NFRKB: variants seen among roughly 807,000 people sequenced by gnomAD.
The protein encoded by NFRKB is nuclear factor related to kappaB binding protein, also known as nuclear factor related to kappa-B-binding protein.
Under a neutral mutation model 135.7 loss-of-function variants are expected in NFRKB, and 62 were observed. That is an observed-to-expected ratio of 0.46 (90% CI 0.37 to 0.56). The LOEUF is 0.56. Ranked by LOEUF, NFRKB falls within the 20% of genes least tolerant of loss-of-function variation. The probability of loss-of-function intolerance (pLI) is 0.00; values close to 1 mark genes in which losing one functional copy is unlikely to be tolerated. For missense variants in NFRKB, 1,545 were observed against 1,662.0 expected (o/e 0.93, Z 1.22); for synonymous variants, 678 against 635.6 (o/e 1.07, Z -1.00).
rs1949051051 is a variant in NFRKB at position 129,882,022 on chromosome 11, G to A, written c.1191+64C>T. ...TCAGAGTTCCACTTCTCAAGCTATA[G>A]ACCATTCAGGATTTGAACACTTTGA... On this transcript the variant is annotated intron_variant, in intron 11 of 26. Transcript: ENST00000682444. The A allele has an allele frequency of 2.0e-6, 3 of 1,479,098 alleles. No homozygotes were observed. The South Asian group carries it at 3.9e-5, about 19-fold the overall frequency. 91.6% of individuals were successfully genotyped at this position (1,479,098 alleles called of 1,614,324 possible). A position where few individuals can be genotyped will look rare whatever the true frequency, so the allele number is the denominator to read the frequency against.
chr11:129,885,693 T>C, intron 5 of NFRKB, 84 bp from the exon 6 acceptor site: 1 of 1,357,198 alleles, frequency 7.4e-7, no homozygotes. Context: ...TACATTTTCT[T>C]CTCTTCAGTG....
intron 23 of NFRKB, among the ~76,000 whole-genome samples, chr11:129,871,758 T>C (rs1948519024): frequency 6.6e-6 from 1 of 152,178 alleles, no homozygotes; most frequent in African/African-American, 2.4e-5. Context: ...TCCGTTCTTG[T>C]CCCCCATTGT....
intron 11 of NFRKB, 59 bp downstream of exon 11, chr11:129,882,027 T>C (rs1274711272): frequency 2.0e-6 from 3 of 1,494,484 alleles, no homozygotes; most frequent in Non-Finnish European, 2.7e-6. Flanking sequence ...CTATAGACCA[T>C]TCAGGATTTG....
intron 3 of NFRKB, among the ~76,000 whole-genome samples, chr11:129,889,768 A>C (rs772265913): frequency 7.3e-5 from 11 of 151,546 alleles, no homozygotes; most frequent in Admixed American, 5.3e-4. Context: ...GTGGGGGAGA[A>C]GGTTAGAAAT....
At chr11:129,872,455 G>A (rs1055183564) in intron 23 of NFRKB, 1 of 155,626 alleles carries the variant, frequency 6.4e-6, no homozygotes, top group Non-Finnish European at 1.4e-5. Flanking sequence ...GCACACAGGA[G>A]GCACTCCTAT....
At chr11:129,890,502 G>A (rs1044605521) in intron 3 of NFRKB, among the ~76,000 whole-genome samples, 1 of 152,136 alleles carries the variant, frequency 6.6e-6, no homozygotes, top group Admixed American at 6.5e-5. Flanking sequence ...ACAGCACACT[G>A]GTGGCTTTCA....
chr11:129,888,610 G>A lies in NFRKB; in HGVS notation c.321C>T (p.Ala107=). ...NFRFGNPLHI[A]QKLFRDGHFN... ...GCTACAAACCTCGGAAAAGCTTCTG[G>A]GCAATGTGCAGAGGGTTTCCAAAGC... Residue 107 remains alanine (A), a synonymous_variant, in exon 4 of 27, where the codon GCC becomes GCT. Coordinates refer to ENST00000682444, the MANE Select transcript of NFRKB (RefSeq NM_001143835.2). 1 of 1,614,154 alleles carries A rather than the reference G, an allele frequency of 6.2e-7. No homozygotes were observed. Among genetic ancestry groups the A allele is most frequent in the Non-Finnish European group, 8.5e-7 (1 of 1,180,026 alleles).
At chr11:129,888,156 T>G (rs927986686) in intron 4 of NFRKB, among the ~76,000 whole-genome samples, 3 of 152,188 alleles carry the variant, frequency 2.0e-5, no homozygotes, top group African/African-American at 4.8e-5. Context: ...TTAAGAGACA[T>G]GGACATGCTG....
At chr11:129,873,191 C>T (rs1948600352) in intron 22 of NFRKB, 95 bp from the exon 23 acceptor site, 1 of 1,106,218 alleles carries the variant, frequency 9.0e-7, no homozygotes. Context: ...GGAAGCATTG[C>T]TCTCAAAGAG....
At chr11:129,866,478 G>A (rs959317210) in intron 24 of NFRKB, among the ~76,000 whole-genome samples, 2 of 151,720 alleles carry the variant, frequency 1.3e-5, no homozygotes. Flanking sequence ...CCACTGGTGA[G>A]GAACAAACAG....
At position 129,878,345 on chromosome 11, in the gene NFRKB, T is replaced by A; in HGVS notation, c.1475A>T (p.Glu492Val). The A allele has an allele frequency of 1.2e-6, 2 of 1,614,226 alleles. No individual in the cohort carries two copies. Among genetic ancestry groups the A allele is most frequent in the Non-Finnish European group, 1.7e-6 (2 of 1,180,044 alleles). The change falls in exon 15 of 27, where the codon GAA (glutamate) becomes GTA (valine). Residue 492 changes from glutamate (E) to valine (V), a missense_variant. Transcript: ENST00000682444. The part of the protein sequence containing the change: ...KDQAFCKQEN[E>V]DSSDATTPVP... ...AGGTGTTGTGGCATCTGAGCTGTCT[T>A]CATTTTCTTGCTGGAGAAAAAGAAA...
chr11:129,878,691 C>G (rs1948889628), intron 13 of NFRKB, 148 bp from the exon 14 acceptor site: 1 of 706,574 alleles, frequency 1.4e-6, no homozygotes, highest in African/African-American at 1.8e-5. Context: ...TGCCTTCCAG[C>G]TGGCGGAAGT....
rs1489749765 is a variant in NFRKB at position 129,885,520 on chromosome 11, C to A, written c.555G>T (p.Glu185Asp). Reference protein sequence around the residue: ...PSPSRTPEEREWRTQQRYLKV... With the variant: ...PSPSRTPEERDWRTQQRYLKV... ...TCAAGTAGCGCTGCTGGGTCCGCCA[C>A]TCCCGCTCCTCAGGTGTGCGGGATG... Residue 185 changes from glutamate (E) to aspartate (D), a missense_variant, in exon 6 of 27, where the codon GAG becomes GAT. This residue lies in a region of NFRKB where 678 missense variants were observed against 646.7 expected (regional missense o/e 1.05). Coordinates refer to ENST00000682444, the MANE Select transcript of NFRKB (RefSeq NM_001143835.2). The A allele has an allele frequency of 5.6e-6, 9 of 1,614,200 alleles. No homozygotes were observed. In the East Asian group the frequency reaches 2.0e-4, roughly 36 times the overall value.
intron 10 of NFRKB, 49 bp downstream of exon 10, chr11:129,882,402 G>T (rs1271223217): frequency 6.3e-7 from 1 of 1,597,740 alleles, no homozygotes; most frequent in Admixed American, 1.7e-5. Context: ...CACAGCCTAT[G>T]GCTTACCCAT....
chr11:129,871,566 TA>T (rs1209289628), intron 23 of NFRKB, among the ~76,000 whole-genome samples: 1 of 152,026 alleles, frequency 6.6e-6, no homozygotes, highest in Non-Finnish European at 1.5e-5. Context: ...ATGGATGGGG[TA>T]AGTCTCACCT....
At chr11:129,882,718 G>A (rs1949088918) in intron 9 of NFRKB, 87 bp from the exon 10 acceptor site, 2 of 1,323,094 alleles carry the variant, frequency 1.5e-6, no homozygotes, top group Non-Finnish European at 2.1e-6. Context: ...TTTTCCCAAG[G>A]CCCACCAAAG....
At chr11:129,891,670 C>T (rs1034838777) in intron 3 of NFRKB, among the ~76,000 whole-genome samples, 30 of 152,276 alleles carry the variant, frequency 2.0e-4, no homozygotes, top group African/African-American at 7.2e-4. Flanking sequence ...CCAATCAATC[C>T]GTAACCACAG....
chr11:129,875,484 A>T, intron 17 of NFRKB, 21 bp from the exon 18 acceptor site: 1 of 1,566,742 alleles, frequency 6.4e-7, no homozygotes, highest in Non-Finnish European at 8.7e-7. Flanking sequence ...GAGAAAGCAC[A>T]CAGTCCACAA....
Position 129,864,756 on chromosome 11 carries a change from G to T in NFRKB, c.3869C>A (p.Pro1290Gln). Reference sequence around the variant, plus strand: ...TTGCTCAGGTGCCTGTTTAGGAGACGGAGCTGTAGTCACAACAACAGTGGA... The same window carrying T: ...TTGCTCAGGTGCCTGTTTAGGAGACTGAGCTGTAGTCACAACAACAGTGGA... ...AVSTVVVTTA[P>Q]SPKQAPEQQ is the part of the protein sequence containing the mutation. Residue 1290 changes from proline to glutamine, a missense_variant, in exon 27 of 27, where the codon CCG becomes CAG. Coordinates refer to ENST00000682444, the MANE Select transcript of NFRKB (RefSeq NM_001143835.2). 6.2e-7 allele frequency: 1 copy of T among 1,614,180 alleles called. No homozygotes were observed. The highest frequency in any genetic ancestry group is 8.5e-7 in the Non-Finnish European group (1 of 1,180,040).
Sources: gnomAD v4.1 joint callset for allele counts (sites outside exome capture counted in the v4.1 genomes callset) on GRCh38, gnomAD v4.1.1 for gene constraint, gnomAD v4.1.1 regional missense constraint, MANE v1.5 for transcripts, NCBI Gene and HGNC (gene_info 2026-07-23, HGNC 2026-07-21) for gene names.